BAZ2B: variants seen among roughly 807,000 people sequenced by gnomAD.
BAZ2B encodes the protein bromodomain adjacent to zinc finger domain 2B.
In BAZ2B, 91 loss-of-function variants were observed where a neutral mutation model predicts 246.0. That is an observed-to-expected ratio of 0.37 (90% confidence interval 0.31 to 0.44). The LOEUF (loss-of-function observed/expected upper bound fraction) is 0.44. Ranked by LOEUF, BAZ2B falls within the 20% of genes least tolerant of loss-of-function variation. The pLI is 1.00. For synonymous variants in BAZ2B, 855 were observed against 860.0 expected, an observed-to-expected ratio of 0.99 and a Z score of 0.10; for missense variants, 2,332 against 2,533.7, an observed-to-expected ratio of 0.92 and a Z score of 1.71.
At chr2:159,695,738 T>C in the BAZ2B span, among the ~76,000 whole-genome samples, 2 of 152,064 alleles carry the variant, frequency 1.3e-5, no homozygotes, top group Admixed American at 6.6e-5. Context: ...CATTGATCTA[T>C]ATATCTTTTT....
In BAZ2B at chr2:159,349,937, T is replaced by C. The variant is rs200214529; in HGVS notation, c.4634A>G (p.Asn1545Ser). ...AGTCAGCGTTTTTAGTAACTGGTCA[T>C]TGGGGAGAGGACTGTAGAACTTCCC... ...GPGKFYSPLP[N>S]DQLLKTLTEK... Residue 1545 changes from asparagine to serine, a missense_variant, in exon 28 of 37, where the codon AAT (asparagine) becomes AGT (serine). Transcript: ENST00000392783. 1.3e-4 allele frequency: 216 copies of C among 1,614,160 alleles called. No individual in the cohort carries two copies. In the East Asian group the frequency reaches 3.2e-3, roughly 24 times the overall value.
chr2:159,328,526 C>T (rs1393583600), intron 34 of BAZ2B, among the ~76,000 whole-genome samples: 1 of 152,056 alleles, frequency 6.6e-6, no homozygotes, highest in Admixed American at 6.6e-5. Context: ...CTTGACTTCC[C>T]TTGAAATATT....
chr2:159,335,568 A>T (rs563164285), intron 33 of BAZ2B, among the ~76,000 whole-genome samples: 19 of 150,602 alleles, frequency 1.3e-4, no homozygotes, highest in African/African-American at 3.9e-4. Context: ...AAAAAATTAT[A>T]GTAAATTCCA....
chr2:159,378,174 T>A (rs1436352465), intron 25 of BAZ2B, among the ~76,000 whole-genome samples: 1 of 152,206 alleles, frequency 6.6e-6, no homozygotes, highest in Non-Finnish European at 1.5e-5. Context: ...CAGCTCCACT[T>A]GCCAAATGAA....
At chr2:159,489,426 G>A (rs1433797323) in intron 2 of BAZ2B, among the ~76,000 whole-genome samples, 3 of 152,114 alleles carry the variant, frequency 2.0e-5, no homozygotes, top group Admixed American at 6.6e-5. Context: ...CCTGTGAGAC[G>A]ATAACAAAAT....
At chr2:159,403,059 T>C (rs1177192833) in intron 16 of BAZ2B, among the ~76,000 whole-genome samples, 1 of 152,146 alleles carries the variant, frequency 6.6e-6, no homozygotes, top group Admixed American at 6.5e-5. Context: ...GTAATAATGT[T>C]TCTGAAATTT....
chr2:159,649,412 T>C, the BAZ2B span, among the ~76,000 whole-genome samples: 1 of 152,132 alleles, frequency 6.6e-6, no homozygotes, highest in Admixed American at 6.6e-5. Flanking sequence ...GAGAATCTAA[T>C]GCTACCACTG....
chr2:159,348,542 T>C (rs1204258320), intron 30 of BAZ2B, 136 bp downstream of exon 30: 2 of 1,021,936 alleles, frequency 2.0e-6, no homozygotes, highest in Admixed American at 3.3e-5. Context: ...GACTGTTTGA[T>C]CTGCGATTGG....
At position 159,398,820 on chromosome 2, in the gene BAZ2B, T is replaced by C; in HGVS notation, c.2964+9A>G. 1 of 1,608,496 alleles carries C rather than the reference T, an allele frequency of 6.2e-7. No homozygotes were observed. Among genetic ancestry groups the C allele is most frequent in the South Asian group, 1.1e-5 (1 of 90,652 alleles). ...AAAAATAAAAACTCTGATTCTCATC[T>C]AAACTAACCTTTATTCGTTTCTCGG... On this transcript the variant is annotated intron_variant, in intron 18 of 36. Coordinates refer to ENST00000392783, the MANE Select transcript of BAZ2B (RefSeq NM_013450.4).
intron 14 of BAZ2B, among the ~76,000 whole-genome samples, chr2:159,410,435 T>C (rs1412418969): frequency 6.6e-6 from 1 of 152,168 alleles, no homozygotes; most frequent in South Asian, 2.1e-4. Context: ...GCTGTTCTCA[T>C]GATAGTAAGT....
the BAZ2B span, among the ~76,000 whole-genome samples, chr2:159,707,529 A>T: frequency 2.6e-5 from 4 of 151,936 alleles, no homozygotes; most frequent in African/African-American, 9.7e-5. Context: ...CATCTCTACT[A>T]AAAATAGAAA....
intron 27 of BAZ2B, among the ~76,000 whole-genome samples, chr2:159,367,950 T>G (rs2060397616): frequency 6.6e-6 from 1 of 152,204 alleles, no homozygotes; most frequent in Admixed American, 6.5e-5. Context: ...GAATTAACTT[T>G]CAGCACCCAT....
At position 159,412,366 on chromosome 2, in the gene BAZ2B, A is replaced by G. The variant is rs763964112; in HGVS notation, c.2646T>C (p.Asp882=). 3 of 1,614,162 alleles carry G rather than the reference A, an allele frequency of 1.9e-6. No individual in the cohort carries two copies. The highest frequency in any genetic ancestry group is 1.3e-5 in the African/African-American group (1 of 75,054). Residue 882 remains aspartate (D), a synonymous_variant, in exon 14 of 37, where the codon GAT becomes GAC. Transcript: ENST00000392783. ...VGNAEFLDNA[D]AKLLRKLQAQ... ...CTTGCAGTTTTCTTAGCAACTTTGC[A>G]TCTGCGTTATCTAGGAATTCAGCAT...
intron 18 of BAZ2B, 73 bp downstream of exon 18, chr2:159,398,756 T>C: frequency 7.4e-7 from 1 of 1,359,288 alleles, no homozygotes; most frequent in Non-Finnish European, 1.0e-6. Flanking sequence ...TATTTTTTCA[T>C]ATAACTGATG....
intron 13 of BAZ2B, among the ~76,000 whole-genome samples, chr2:159,421,543 A>G (rs576395348): frequency 2.0e-5 from 3 of 152,258 alleles, no homozygotes; most frequent in South Asian, 2.1e-4. Context: ...AAAGGTAATA[A>G]TTACATTGTT....
chr2:159,454,611 T>A (rs933355409), intron 3 of BAZ2B, among the ~76,000 whole-genome samples: 1 of 152,228 alleles, frequency 6.6e-6, no homozygotes, highest in East Asian at 1.9e-4. Context: ...GTCATATATG[T>A]GGTCAGGCAT....
chr2:159,406,132 T>G (rs1176251100), intron 14 of BAZ2B, among the ~76,000 whole-genome samples: 1 of 152,238 alleles, frequency 6.6e-6, no homozygotes, highest in Non-Finnish European at 1.5e-5. Context: ...AGAGGTGGAA[T>G]ATATTTTCCC....
At chr2:159,551,109 T>C (rs1481655969) in intron 2 of BAZ2B, among the ~76,000 whole-genome samples, 2 of 152,170 alleles carry the variant, frequency 1.3e-5, no homozygotes, top group Non-Finnish European at 2.9e-5. Context: ...AGTGCTGGTA[T>C]TACAGGAGTG....
At position 159,350,055 on chromosome 2, in the gene BAZ2B, G is replaced by C. The variant is rs1438695781; in HGVS notation, c.4516C>G (p.His1506Asp). The C allele has an allele frequency of 6.2e-7, 1 of 1,614,142 alleles. No individual in the cohort carries two copies. The highest frequency in any genetic ancestry group is 1.1e-5 in the South Asian group (1 of 91,082). The change falls in exon 28 of 37, where the codon CAT becomes GAT. Residue 1506 changes from histidine (H) to aspartate (D), a missense_variant. Around this residue, in one of 9 missense-constraint regions of BAZ2B, gnomAD observed 676 missense variants for 668.6 expected, o/e 1.01. Transcript: ENST00000392783. ...GTTGACTGAACGCTGCCCAGTGAAT[G>C]TTTTCCACTGTTCTGATAAGACAAC... ...CTLSYQNSGK[H>D]SLGSVQSTAT...
Sources: gnomAD v4.1 joint callset for allele counts (sites outside exome capture counted in the v4.1 genomes callset) on GRCh38, gnomAD v4.1.1 for gene constraint, gnomAD v4.1.1 regional missense constraint, MANE v1.5 for transcripts, NCBI Gene and HGNC (gene_info 2026-07-23, HGNC 2026-07-21) for gene names.